Variants in ADORA2B observed in about 807,000 individuals in gnomAD.
ADORA2B encodes adenosine A2b receptor.
ADORA2B carries 18 observed loss-of-function variants against 20.8 expected under a neutral mutation model. That is an observed-to-expected ratio of 0.87 (90% CI 0.60 to 1.29). ADORA2B has a LOEUF of 1.29. ADORA2B is among the 50% of genes most tolerant of loss of function. The probability of loss-of-function intolerance (pLI) is 0.00; values close to 1 mark genes in which losing one functional copy is unlikely to be tolerated. For synonymous variants in ADORA2B, 179 were observed against 178.3 expected, an observed-to-expected ratio of 1.00 and a Z score of -0.03; for missense variants, 441 against 422.7, an observed-to-expected ratio of 1.04 and a Z score of -0.38.
At chr17:15,891,227 C>T in the ADORA2B span, among the ~76,000 whole-genome samples, 2 of 152,102 alleles carry the variant, frequency 1.3e-5, no homozygotes, top group Admixed American at 6.5e-5. Context: ...GATTGCACCA[C>T]CTGCACTCCA....
At chr17:15,869,377 G>T in the ADORA2B span, among the ~76,000 whole-genome samples, 7 of 151,396 alleles carry the variant, frequency 4.6e-5, no homozygotes, top group Non-Finnish European at 1.0e-4. Context: ...TAAAGTAGAA[G>T]AGATAGATGC....
chr17:15,857,529 G>A, the ADORA2B span, among the ~76,000 whole-genome samples: 15 of 152,324 alleles, frequency 9.8e-5, 1 homozygote, highest in South Asian at 2.9e-3. Context: ...CAGCTAGAAG[G>A]GGTGTTGTAC....
chr17:15,853,026 G>A, the ADORA2B span, among the ~76,000 whole-genome samples: 1 of 151,780 alleles, frequency 6.6e-6, no homozygotes, highest in South Asian at 2.1e-4. Flanking sequence ...AACATGAACC[G>A]AAAGCAAAGT....
the ADORA2B span, among the ~76,000 whole-genome samples, chr17:15,896,909 G>A: frequency 6.6e-6 from 1 of 152,218 alleles, no homozygotes; most frequent in Non-Finnish European, 1.5e-5. Context: ...CAGGCCGCAA[G>A]GGCATTTGAG....
intron 1 of ADORA2B, among the ~76,000 whole-genome samples, chr17:15,964,890 T>A (rs947560989): frequency 1.3e-5 from 2 of 151,850 alleles, no homozygotes; most frequent in African/African-American, 4.8e-5. Flanking sequence ...TGAAACCCCG[T>A]CTCTACTAAA....
the ADORA2B span, among the ~76,000 whole-genome samples, chr17:15,854,564 A>T: frequency 4.6e-5 from 7 of 152,334 alleles, no homozygotes; most frequent in East Asian, 9.6e-4. Context: ...TATGAATGAG[A>T]TAGGAATGCC....
At chr17:15,930,188 C>T in the ADORA2B span, among the ~76,000 whole-genome samples, 2 of 152,060 alleles carry the variant, frequency 1.3e-5, no homozygotes, top group Admixed American at 6.5e-5. Flanking sequence ...CCTGGGGCGA[C>T]CCTGTTGAGC....
chr17:15,912,518 A>T, the ADORA2B span, among the ~76,000 whole-genome samples: 6 of 152,184 alleles, frequency 3.9e-5, no homozygotes, highest in African/African-American at 1.4e-4. Flanking sequence ...CAGACAGCAC[A>T]GGCTCGGATA....
At chr17:15,914,641 A>G in the ADORA2B span, among the ~76,000 whole-genome samples, 1 of 152,268 alleles carries the variant, frequency 6.6e-6, no homozygotes, top group Non-Finnish European at 1.5e-5. Context: ...TAAGTGTCCC[A>G]TGACATTGAG....
At chr17:15,953,340 A>G (rs1436777941) in intron 1 of ADORA2B, among the ~76,000 whole-genome samples, 1 of 152,334 alleles carries the variant, frequency 6.6e-6, no homozygotes, top group South Asian at 2.1e-4. Flanking sequence ...TGAGTTAGAA[A>G]TCAACCAGTG....
intron 1 of ADORA2B, among the ~76,000 whole-genome samples, chr17:15,964,615 C>CAAAAAAAA (rs372895382): frequency 3.0e-5 from 2 of 66,380 alleles, no homozygotes; most frequent in African/African-American, 4.2e-5. Context: ...GACTCTGTCT[C>CAAAAAAAA]AAAAAAAAAA....
chr17:15,956,082 T>G (rs1969962349), intron 1 of ADORA2B, among the ~76,000 whole-genome samples: 1 of 152,250 alleles, frequency 6.6e-6, no homozygotes, highest in South Asian at 2.1e-4. Context: ...CAGTTCCCAG[T>G]GCTTTCTCAT....
At chr17:15,898,569 A>G in the ADORA2B span, among the ~76,000 whole-genome samples, 5 of 150,734 alleles carry the variant, frequency 3.3e-5, no homozygotes, top group African/African-American at 1.2e-4. Context: ...GGGTTTCACC[A>G]TGTTGGCCAG....
chr17:15,926,440 T>C, the ADORA2B span, among the ~76,000 whole-genome samples: 2 of 152,002 alleles, frequency 1.3e-5, no homozygotes, highest in African/African-American at 4.8e-5. Flanking sequence ...TGACACGATA[T>C]GAGCAGATAC....
the ADORA2B span, among the ~76,000 whole-genome samples, chr17:15,865,205 G>A: frequency 0.01 from 1,524 of 152,304 alleles, 25 homozygotes; most frequent in African/African-American, 0.034. Context: ...TTTTTTGTGC[G>A]TGTGAAACAC....
chr17:15,857,573 C>A, the ADORA2B span, among the ~76,000 whole-genome samples: 2 of 152,318 alleles, frequency 1.3e-5, no homozygotes, highest in African/African-American at 4.8e-5. Context: ...CTGCCCAAGA[C>A]CATAGGAGCC....
At chr17:15,920,848 C>A in the ADORA2B span, among the ~76,000 whole-genome samples, 2 of 152,210 alleles carry the variant, frequency 1.3e-5, no homozygotes, top group Non-Finnish European at 2.9e-5. Context: ...AGGCTGCGAG[C>A]CCAGCTGGAG....
chr17:15,873,664 A>G, the ADORA2B span, among the ~76,000 whole-genome samples: 1 of 152,238 alleles, frequency 6.6e-6, no homozygotes, highest in Admixed American at 6.5e-5. Flanking sequence ...GCTAATCATT[A>G]GGGAAATGCA....
chr17:15,957,367 T>A (rs1253697619), intron 1 of ADORA2B, among the ~76,000 whole-genome samples: 1 of 152,108 alleles, frequency 6.6e-6, no homozygotes, highest in South Asian at 2.1e-4. Context: ...GTGCGTGAGA[T>A]CTGCCATTGT....
Sources: gnomAD v4.1 joint callset for allele counts (sites outside exome capture counted in the v4.1 genomes callset) on GRCh38, gnomAD v4.1.1 for gene constraint, MANE v1.5 for transcripts, NCBI Gene and HGNC (gene_info 2026-07-23, HGNC 2026-07-21) for gene names.